NTN1: variants seen among roughly 807,000 people sequenced by gnomAD.
The protein encoded by NTN1 is netrin-1.
NTN1 carries 11 observed loss-of-function variants against 54.2 expected under a neutral mutation model. The ratio of observed to expected loss-of-function variants is 0.20; its 90% CI spans 0.13 to 0.34. The LOEUF is 0.34. Among genes scored for constraint, NTN1 ranks in the 10% least tolerant of loss-of-function variants. The pLI is 1.00. For synonymous variants in NTN1, 371 were observed against 382.0 expected (o/e 0.97, Z 0.33); for missense variants, 740 against 893.1 (o/e 0.83, Z 2.18).
At chr17:9,021,985 C>T (rs934689896) in intron 1 of NTN1, among the ~76,000 whole-genome samples, 2 of 152,168 alleles carry the variant, frequency 1.3e-5, no homozygotes, top group African/African-American at 2.4e-5. Flanking sequence ...TCCCCCAGCT[C>T]TCCTGCGCCC....
intron 2 of NTN1, among the ~76,000 whole-genome samples, chr17:9,070,654 C>T (rs2092029186): frequency 6.6e-6 from 1 of 152,082 alleles, no homozygotes; most frequent in South Asian, 2.1e-4. Flanking sequence ...TGCAATGTTG[C>T]GATCTCTGCT....
At chr17:9,097,961 C>CCCCGA (rs2092137432) in intron 2 of NTN1, among the ~76,000 whole-genome samples, 1 of 130,888 alleles carries the variant, frequency 7.6e-6, no homozygotes, top group Non-Finnish European at 1.8e-5. Context: ...TCTGACCTCC[C>CCCCGA]CCCGAGAAAG....
At chr17:9,107,814 C>T (rs183304563) in intron 2 of NTN1, among the ~76,000 whole-genome samples, 7 of 152,158 alleles carry the variant, frequency 4.6e-5, no homozygotes, top group East Asian at 3.9e-4. Flanking sequence ...CTGCATGGGC[C>T]GAAAAGCCCA....
chr17:9,135,133 G>T lies in NTN1; in HGVS notation c.1019-27680G>T, dbSNP rs1446833895. On this transcript the variant is annotated intron_variant, in intron 2 of 6. Transcript: ENST00000173229. The surrounding 1 kb of genome is among the most constrained non-coding windows in gnomAD (Gnocchi z 4.4). ...GGCACATTGTCCCCCAGCCCCTGAT[G>T]CTCCCGGCCCATCCTCCCTTCTCTA... 6.6e-6 allele frequency among the ~76,000 whole-genome samples: 1 copy of T among 152,066 alleles called. No individual in the cohort carries two copies. Among genetic ancestry groups the T allele is most frequent in the Non-Finnish European group, 1.5e-5 (1 of 68,000 alleles).
chr17:9,157,062 C>G (rs1001554447), intron 2 of NTN1, among the ~76,000 whole-genome samples: 3 of 150,978 alleles, frequency 2.0e-5, no homozygotes, highest in African/African-American at 7.3e-5. Flanking sequence ...TCCATTCATT[C>G]ATCCATCCAT....
chr17:9,177,186 G>A (rs1302954351), intron 3 of NTN1: 1 of 152,204 alleles, frequency 6.6e-6, no homozygotes, highest in Non-Finnish European at 1.5e-5. Flanking sequence ...AGCTCATGTT[G>A]AACCAAAGAG....
rs565529383 is a variant in NTN1 at position 9,179,880 on chromosome 17, C to T, written c.1281C>T (p.Asp427=). 3.0e-5 allele frequency: 49 copies of T among 1,614,096 alleles called. No individual in the cohort carries two copies. The highest frequency in any genetic ancestry group is 6.7e-5 in the East Asian group (3 of 44,884). ...NQTTGQCPCK[D]GVTGITCNRC... ...CCACCGGCCAGTGTCCCTGCAAGGA[C>T]GGCGTGACGGGTATCACCTGCAACC... The change falls in exon 4 of 7, where the codon GAC becomes GAT. Residue 427 remains aspartate (D), a synonymous_variant. Coordinates refer to ENST00000173229, the MANE Select transcript of NTN1 (RefSeq NM_004822.3).
At chr17:9,013,484 G>A in the NTN1 span, among the ~76,000 whole-genome samples, 1 of 152,066 alleles carries the variant, frequency 6.6e-6, no homozygotes, top group South Asian at 2.1e-4. Context: ...CCAAAGTGCT[G>A]GGATTACAGG....
rs993466656 is a variant in NTN1, at chr17:9,218,935, C to T, written c.1412-2233C>T. ...TTTGTGAAAAAAAAAAAAAAAATTG[C>T]GAGGAGAGTGGATTGAAGGCCACCC... On this transcript the variant is annotated intron_variant, in intron 5 of 6. Coordinates refer to ENST00000173229, the MANE Select transcript of NTN1 (RefSeq NM_004822.3). Among the ~76,000 whole-genome samples the T allele has an allele frequency of 4.7e-5, 7 of 148,734 alleles. No individual in the cohort carries two copies. The East Asian group carries it at 5.8e-4, about 12-fold the overall frequency.
At position 9,150,527 on chromosome 17, in the gene NTN1, G is replaced by A. The variant is rs576057633; in HGVS notation, c.1019-12286G>A. Among the ~76,000 whole-genome samples the A allele has an allele frequency of 1.6e-4, 24 of 152,332 alleles. No homozygotes were observed. In the East Asian group the frequency reaches 3.7e-3, roughly 23 times the overall value. On this transcript the variant is annotated intron_variant, in intron 2 of 6. Coordinates refer to ENST00000173229, the MANE Select transcript of NTN1 (RefSeq NM_004822.3). ...AGAGGCTCCGGACTGGAACGTGGAC[G>A]GAGGATCTGAGGAACGCAGCAGACA...
At chr17:9,010,961 G>GT in the NTN1 span, among the ~76,000 whole-genome samples, 1 of 151,930 alleles carries the variant, frequency 6.6e-6, no homozygotes, top group Non-Finnish European at 1.5e-5. Flanking sequence ...GCTTCAGCTT[G>GT]TTTTTTTGCA....
chr17:9,076,394 A>G (rs932592166), intron 2 of NTN1, among the ~76,000 whole-genome samples: 3 of 152,068 alleles, frequency 2.0e-5, no homozygotes, highest in East Asian at 1.9e-4. Flanking sequence ...TTTTTGTTAG[A>G]GACGGTCTCA....
chr17:9,191,201 C>T (rs1411887389), intron 5 of NTN1, among the ~76,000 whole-genome samples: 1 of 152,208 alleles, frequency 6.6e-6, no homozygotes, highest in East Asian at 1.9e-4. Flanking sequence ...TGGCTCACGC[C>T]TTTAATCCCA....
At chr17:9,053,844 G>A (rs2091968788) in intron 2 of NTN1, among the ~76,000 whole-genome samples, 1 of 152,222 alleles carries the variant, frequency 6.6e-6, no homozygotes. Context: ...CATGGAGCTA[G>A]TGGCTTCACA....
rs1906274416 is a variant in NTN1, at chr17:9,242,998, A to AG, written c.*3030_*3031insG. On this transcript the variant is annotated 3_prime_UTR_variant, in exon 7 of 7. Transcript: ENST00000173229. ...TGCTATGTAGGTGTTTGTTTGAAGA[A>AG]AAACATACCAGATTAGTCTTTGTTT... The AG allele has an allele frequency of 6.6e-6, 1 of 152,258 alleles. No homozygotes were observed. The highest frequency in any genetic ancestry group is 1.5e-5 in the Non-Finnish European group (1 of 68,050). 9.4% of individuals were successfully genotyped at this position (152,258 alleles called of 1,614,324 possible).
At chr17:9,136,121 A>C (rs932193574) in intron 2 of NTN1, among the ~76,000 whole-genome samples, 3 of 152,198 alleles carry the variant, frequency 2.0e-5, no homozygotes, top group African/African-American at 7.2e-5. Context: ...GCTTGACAAG[A>C]GTGGGCAGGA....
At chr17:9,181,035 A>G (rs180817867) in intron 4 of NTN1, among the ~76,000 whole-genome samples, 9 of 152,310 alleles carry the variant, frequency 5.9e-5, no homozygotes, top group Admixed American at 3.9e-4. Context: ...TTGCTCAGAA[A>G]TGGTTGGAAC....
chr17:9,127,209 G>A (rs1374191810), intron 2 of NTN1, among the ~76,000 whole-genome samples: 1 of 152,142 alleles, frequency 6.6e-6, no homozygotes, highest in East Asian at 1.9e-4. Context: ...GGAGGCAGGG[G>A]TAGAAGCTGG....
At chr17:9,073,276 C>T (rs184061129) in intron 2 of NTN1, among the ~76,000 whole-genome samples, 1 of 152,306 alleles carries the variant, frequency 6.6e-6, no homozygotes, top group Admixed American at 6.5e-5. Context: ...GAATCAAAGC[C>T]GCGGGTGAAG....
Sources: gnomAD v4.1 joint callset for allele counts (sites outside exome capture counted in the v4.1 genomes callset) on GRCh38, gnomAD v4.1.1 for gene constraint, Gnocchi (gnomAD v3.1) non-coding constraint, MANE v1.5 for transcripts, NCBI Gene and HGNC (gene_info 2026-07-23, HGNC 2026-07-21) for gene names.